Variants in TRANK1 observed in about 807,000 individuals in gnomAD.
TRANK1 encodes the protein TPR and ankyrin repeat-containing protein 1.
Under a neutral mutation model 266.0 loss-of-function variants are expected in TRANK1, and 198 were observed. The observed-to-expected ratio is 0.74, with a 90% CI of 0.66 to 0.84. The LOEUF (loss-of-function observed/expected upper bound fraction) is 0.84. Among genes scored for constraint, TRANK1 ranks in the 40% least tolerant of loss-of-function variants. The pLI, the probability that TRANK1 is intolerant of heterozygous loss-of-function variation, is 0.00. For synonymous variants in TRANK1, 1,396 were observed against 1,384.1 expected (o/e 1.01, Z -0.19); for missense variants, 3,326 against 3,634.6 (o/e 0.92, Z 2.18).
In TRANK1 at chr3:36,831,197, C is replaced by T. The variant is rs769873616; in HGVS notation, c.8386G>A (p.Glu2796Lys). Residue 2796 changes from glutamate (E) to lysine (K), a missense_variant, in exon 22 of 24, where the codon GAG (glutamate) becomes AAG (lysine). By Grantham distance (56) the Glu-to-Lys change is moderately conservative. Coordinates refer to ENST00000645898, the MANE Select transcript of TRANK1 (RefSeq NM_001329998.2). This position sits in a 1 kb window ranked among gnomAD's most constrained non-coding sequence, Gnocchi z 5.0. The stretch of plus-strand genomic sequence containing the variant: ...TCAGCCCTGGAAAGGACTGCCACCT[C>T]GGAAGCTGCCCCCTCAAACGCTTTG... Reference protein sequence around the residue: ...PSKAFEGAASEVAVLSRAELE... With the variant: ...PSKAFEGAASKVAVLSRAELE... 5 of 1,613,926 alleles carry T rather than the reference C, an allele frequency of 3.1e-6. No individual in the cohort carries two copies. Among genetic ancestry groups the T allele is most frequent in the East Asian group, 4.5e-5 (2 of 44,878 alleles).
intron 8 of TRANK1, 105 bp downstream of exon 8, chr3:36,889,724 C>A (rs1300726966): frequency 1.4e-6 from 2 of 1,390,184 alleles, no homozygotes; most frequent in Admixed American, 6.2e-5. Context: ...GCCCTCTGAG[C>A]CAGCTAGGGA....
In TRANK1 at chr3:36,944,967, T is replaced by A; in HGVS notation, c.-158A>T. The A allele has an allele frequency of 1.5e-6, 1 of 655,780 alleles. No individual in the cohort carries two copies. The highest frequency in any genetic ancestry group is 2.3e-6 in the Non-Finnish European group (1 of 434,936). 40.6% of individuals were successfully genotyped at this position (655,780 alleles called of 1,614,324 possible). On this transcript the variant is annotated 5_prime_UTR_variant, in exon 1 of 24. Coordinates refer to ENST00000645898, the MANE Select transcript of TRANK1 (RefSeq NM_001329998.2). ...CGGCGTTCGGGGGCCCCCAGCTGCC[T>A]GCGGCTCGGCTACCCAGCCGCGATC...
chr3:36,873,978 A>G (rs1002271983), intron 9 of TRANK1, 148 bp downstream of exon 9: 1 of 719,376 alleles, frequency 1.4e-6, no homozygotes, highest in Non-Finnish European at 2.0e-6. Flanking sequence ...AAAAAAGCAA[A>G]CAAGTTTTCC....
At chr3:36,926,479 T>A (rs574481953) in intron 1 of TRANK1, among the ~76,000 whole-genome samples, 1 of 152,194 alleles carries the variant, frequency 6.6e-6, no homozygotes, top group Admixed American at 6.5e-5. Context: ...GAGAGAGACC[T>A]GGGCCAATCG....
chr3:36,832,383 G>C lies in TRANK1; in HGVS notation c.7200C>G (p.Asp2400Glu). The change falls in exon 22 of 24, where the codon GAC becomes GAG. Residue 2400 changes from aspartate to glutamate, a missense_variant. Asp to Glu is a conservative substitution (Grantham distance 45). Transcript: ENST00000645898. ...LAPNRDDENM[D>E]KTHLCFIRLL... ...GCCGGATGAAGCACAGGTGGGTCTT[G>C]TCCATATTTTCATCATCCCTGTTGG... The C allele has an allele frequency of 1.2e-6, 2 of 1,613,976 alleles. No homozygotes were observed. Among genetic ancestry groups the C allele is most frequent in the Non-Finnish European group, 8.5e-7 (1 of 1,179,878 alleles).
In TRANK1 at chr3:36,892,944, C is replaced by T. The variant is rs772454450; in HGVS notation, c.593G>A (p.Arg198Lys). 5.5e-5 allele frequency: 83 copies of T among 1,513,526 alleles called. No individual in the cohort carries two copies. Among genetic ancestry groups the T allele is most frequent in the Non-Finnish European group, 6.9e-5 (78 of 1,138,416 alleles). 93.8% of individuals were successfully genotyped at this position (1,513,526 alleles called of 1,614,324 possible). A position where few individuals can be genotyped will look rare whatever the true frequency, so the allele number is the denominator to read the frequency against. ...TGATAACTCTGGGACATGAATATTT[C>T]TTGGTAATCGGTCTTTTTTTGCTGA... ...LLSAKKDRLP[R>K]NIHVPELSLK... The change falls in exon 6 of 24, where the codon AGA becomes AAA. Residue 198 changes from arginine (R) to lysine (K), a missense_variant. Physicochemically the swap from Arg to Lys is conservative, Grantham distance 26. Coordinates refer to ENST00000645898, the MANE Select transcript of TRANK1 (RefSeq NM_001329998.2).
At position 36,944,999 on chromosome 3, in the gene TRANK1, G is replaced by C; in HGVS notation, c.-190C>G. On this transcript the variant is annotated 5_prime_UTR_variant, in exon 1 of 24. Transcript: ENST00000645898. ...CGGCTACCCAGCCGCGATCAGAGGG[G>C]GCGGGGGACGCAGGAACCCCGGCGT... The C allele has an allele frequency of 2.0e-6, 1 of 497,180 alleles. No homozygotes were observed. The highest frequency in any genetic ancestry group is 3.4e-6 in the Non-Finnish European group (1 of 292,520). 30.8% of individuals were successfully genotyped at this position (497,180 alleles called of 1,614,324 possible).
intron 9 of TRANK1, 21 bp from the exon 10 acceptor site, chr3:36,864,501 A>G: frequency 6.7e-7 from 1 of 1,495,852 alleles, no homozygotes; most frequent in South Asian, 1.3e-5. Flanking sequence ...GCACCAGGTA[A>G]TGCTTCTGAA....
chr3:36,861,096 T>A lies in TRANK1; in HGVS notation c.1305A>T (p.Leu435Phe). ...CCTCAGGCCATCTCTGTTTTTCCAA[T>A]AAGAATTTGAAGACGGTGGTGGCAC... is the stretch of plus-strand genomic sequence containing the variant. ...QDCATTVFKF[L>F]LEKQRWPEVL... is the part of the protein sequence containing the mutation. The change falls in exon 11 of 24, where the codon TTA becomes TTT. Residue 435 changes from leucine to phenylalanine, a missense_variant. Physicochemically the swap from Leu to Phe is conservative, Grantham distance 22. Transcript: ENST00000645898. 1 of 1,537,564 alleles carries A rather than the reference T, an allele frequency of 6.5e-7. No homozygotes were observed. The highest frequency in any genetic ancestry group is 8.7e-7 in the Non-Finnish European group (1 of 1,146,952).
chr3:36,837,334 G>A (rs938196720), intron 20 of TRANK1, among the ~76,000 whole-genome samples: 3 of 152,160 alleles, frequency 2.0e-5, no homozygotes, highest in African/African-American at 7.2e-5. Flanking sequence ...GAACAGGGTA[G>A]GCAGCATCTG....
At chr3:36,897,026 G>A (rs747138983) in intron 4 of TRANK1, among the ~76,000 whole-genome samples, 2 of 151,830 alleles carry the variant, frequency 1.3e-5, no homozygotes, top group Non-Finnish European at 2.9e-5. Flanking sequence ...GAGAAACCGG[G>A]GGCAGTGGCT....
chr3:36,885,266 G>C (rs2079586353), intron 8 of TRANK1, among the ~76,000 whole-genome samples: 1 of 152,096 alleles, frequency 6.6e-6, no homozygotes, highest in Non-Finnish European at 1.5e-5. Flanking sequence ...GATTCACTGA[G>C]GATACAAAAT....
chr3:36,838,508 G>A lies in TRANK1; in HGVS notation c.5385-4C>T. ...CAAATATTCCAACTGCTTTTCCCTAGGGGAAGGAAAACAAAATAATATTTC... is the reference window on the plus strand; with the variant it reads ...CAAATATTCCAACTGCTTTTCCCTAAGGGAAGGAAAACAAAATAATATTTC... On this transcript the variant is annotated splice_polypyrimidine_tract_variant and splice_region_variant and intron_variant, in intron 19 of 23. Transcript: ENST00000645898. The A allele has an allele frequency of 6.2e-7, 1 of 1,614,026 alleles. No homozygotes were observed. Among genetic ancestry groups the A allele is most frequent in the Non-Finnish European group, 8.5e-7 (1 of 1,179,886 alleles).
chr3:36,838,826 C>T, intron 18 of TRANK1, 110 bp from the exon 19 acceptor site: 1 of 1,073,036 alleles, frequency 9.3e-7, no homozygotes. Context: ...AAGTCTTGCT[C>T]CAGCCCAATC....
intron 1 of TRANK1, among the ~76,000 whole-genome samples, chr3:36,934,900 C>T (rs115293242): frequency 0.011 from 1,629 of 152,272 alleles, 29 homozygotes; most frequent in African/African-American, 0.035. Flanking sequence ...TTCACACACA[C>T]CCTCCAGAGG....
At chr3:36,864,897 C>G (rs1223603241) in intron 9 of TRANK1, among the ~76,000 whole-genome samples, 1 of 152,016 alleles carries the variant, frequency 6.6e-6, no homozygotes, top group Non-Finnish European at 1.5e-5. Context: ...CCAACATCAG[C>G]AAAGACTGCA....
chr3:36,908,345 G>C lies in TRANK1; in HGVS notation c.133C>G (p.Leu45Val). Residue 45 changes from leucine to valine, a missense_variant, in exon 2 of 24, where the codon CTC (leucine) becomes GTC (valine). Coordinates refer to ENST00000645898, the MANE Select transcript of TRANK1 (RefSeq NM_001329998.2). ...TACCCCCACTGGTATAACTGCAGGA[G>C]AATCTGGATGGCTTCATCGTACTTT... is the stretch of plus-strand genomic sequence containing the variant. ...IRKYDEAIQI[L>V]LQLYQWGVPP... The C allele has an allele frequency of 8.1e-7, 1 of 1,232,220 alleles. No homozygotes were observed. Among genetic ancestry groups the C allele is most frequent in the African/African-American group, 1.5e-5 (1 of 64,554 alleles). The allele number at this position is 1,232,220 out of a possible 1,614,324, so 76.3% of individuals were successfully genotyped here.
chr3:36,935,575 C>T (rs536903251), intron 1 of TRANK1, among the ~76,000 whole-genome samples: 19 of 151,816 alleles, frequency 1.3e-4, no homozygotes, highest in East Asian at 1.9e-4. Context: ...CTCAGCCTCC[C>T]GAGTAGCTGG....
intron 9 of TRANK1, among the ~76,000 whole-genome samples, chr3:36,870,792 G>A (rs2079296240): frequency 6.6e-6 from 1 of 152,030 alleles, no homozygotes; most frequent in African/African-American, 2.4e-5. Flanking sequence ...TCTAATGAGT[G>A]AAAAGGGGAC....
Sources: allele counts gnomAD v4.1 joint callset (sites outside exome capture counted in the v4.1 genomes callset), GRCh38; gene constraint gnomAD v4.1.1; non-coding constraint Gnocchi (gnomAD v3.1); transcripts MANE v1.5; gene names NCBI Gene and HGNC (gene_info 2026-07-23, HGNC 2026-07-21).